Variants in SHOX observed in about 807,000 individuals in gnomAD.
The protein encoded by SHOX is SHOX homeobox.
In SHOX, 12 loss-of-function variants were observed where a neutral mutation model predicts 29.6. That is an observed-to-expected ratio of 0.41 (90% confidence interval 0.26 to 0.66). SHOX has a LOEUF of 0.66. Among genes scored for constraint, SHOX ranks in the 30% least tolerant of loss-of-function variants. The pLI is 0.35. For missense variants in SHOX, 499 were observed against 437.7 expected (o/e 1.14, Z -1.25); for synonymous variants, 214 against 200.6 (o/e 1.07, Z -0.57).
At chrX:638,653 C>T (rs2052798294) in intron 2 of SHOX, among the ~76,000 whole-genome samples, 1 of 152,192 alleles carries the variant, frequency 6.6e-6, no homozygotes, top group South Asian at 2.1e-4. Flanking sequence ...TGGAAGCTTC[C>T]GTGTTGGGTT....
exon 1 of SHOX, chrX:624,509 C>G (rs1460695188): frequency 6.6e-6 from 1 of 152,036 alleles, no homozygotes; most frequent in African/African-American, 2.4e-5. Flanking sequence ...CAGCCCGAGT[C>G]CGCACAGGGT....
exon 6 of SHOX, chrX:658,903 T>A: frequency 3.4e-6 from 1 of 295,016 alleles, no homozygotes; most frequent in Non-Finnish European, 6.9e-6. Flanking sequence ...TAGCTGGGAT[T>A]ACAGGTGCCC....
At chrX:631,806 A>G (rs995047993) in intron 1 of SHOX, 18 of 439,234 alleles carry the variant, frequency 4.1e-5, no homozygotes, top group African/African-American at 3.6e-4. Flanking sequence ...TGCTGGGATG[A>G]CAGGCGTGAG....
At chrX:629,459 C>G (rs1383884587), upstream of SHOX, among the ~76,000 whole-genome samples, 6 of 151,864 alleles carry the variant, frequency 4.0e-5, no homozygotes, top group East Asian at 7.8e-4. Context: ...CTCTGTCTCT[C>G]CCTTTCTCTC....
intron 1 of SHOX, chrX:631,766 A>T (rs1050912537): frequency 2.5e-6 from 1 of 403,030 alleles, no homozygotes; most frequent in Non-Finnish European, 5.0e-6. Context: ...TCCTGACCTC[A>T]GGTGATCCAC....
chrX:646,750 T>C lies in SHOX; in HGVS notation c.*2114T>C, dbSNP rs2052971439. 1 of 151,838 alleles carries C rather than the reference T, an allele frequency of 6.6e-6. No individual in the cohort carries two copies. Among genetic ancestry groups the C allele is most frequent in the South Asian group, 2.1e-4 (1 of 4,816 alleles). 9.4% of individuals were successfully genotyped at this position (151,838 alleles called of 1,614,324 possible). On this transcript the variant is annotated 3_prime_UTR_variant, in exon 5 of 5. Coordinates refer to ENST00000686671, the MANE Select transcript of SHOX (RefSeq NM_000451.4). ...AAAGAATCCCAGACATTAACGGTAT[T>C]AGAGAGTTTGCCTCATTCATCCATT...
upstream of SHOX, among the ~76,000 whole-genome samples, chrX:626,689 GTCTC>G (rs1387826143): frequency 1.0e-5 from 1 of 98,178 alleles, no homozygotes; most frequent in Non-Finnish European, 2.1e-5. Context: ...GTCTATCTCT[GTCTC>G]TCTTTCTCTC....
Position 644,753 on chromosome X carries a change from A to G in SHOX, c.*117A>G. On this transcript the variant is annotated 3_prime_UTR_variant, in exon 5 of 5. Coordinates refer to ENST00000686671, the MANE Select transcript of SHOX (RefSeq NM_000451.4). ...CTTCCGCGGCCACCGTGCTCCGGGC[A>G]CCCCGGGAGCTCCTGCAAGAGGCCT... 1 of 1,296,652 alleles carries G rather than the reference A, an allele frequency of 7.7e-7. No individual in the cohort carries two copies. The highest frequency in any genetic ancestry group is 9.9e-7 in the Non-Finnish European group (1 of 1,013,970). The allele number at this position is 1,296,652 out of a possible 1,614,324, so 80.3% of individuals were successfully genotyped here.
chrX:634,782 G>C lies in SHOX; in HGVS notation c.442G>C (p.Glu148Gln). 2 of 1,601,226 alleles carry C rather than the reference G, an allele frequency of 1.2e-6. No individual in the cohort carries two copies. The highest frequency in any genetic ancestry group is 1.7e-6 in the Non-Finnish European group (2 of 1,174,166). ...CCATTACCCCGACGCCTTCATGCGC[G>C]AGGAGCTCAGCCAGCGCCTGGGGCT... Reference protein sequence around the residue: ...ETHYPDAFMREELSQRLGLSE... With the variant: ...ETHYPDAFMRQELSQRLGLSE... The change falls in exon 2 of 5, where the codon GAG becomes CAG. Residue 148 changes from glutamate to glutamine, a missense_variant. Glu to Gln is a conservative substitution (Grantham distance 29). Coordinates refer to ENST00000686671, the MANE Select transcript of SHOX (RefSeq NM_000451.4).
At chrX:658,616 G>A (rs762848722) in intron 5 of SHOX, among the ~76,000 whole-genome samples, 2,274 of 151,340 alleles carry the variant, frequency 0.015, 42 homozygotes, top group African/African-American at 0.048. Context: ...GACTACAGGC[G>A]CCCGCCACCG....
In SHOX at chrX:641,014, C is replaced by A. The variant is rs1251071525; in HGVS notation, c.560C>A (p.Thr187Lys). The A allele has an allele frequency of 6.2e-7, 1 of 1,613,864 alleles. No homozygotes were observed. Among genetic ancestry groups the A allele is most frequent in the East Asian group, 2.2e-5 (1 of 44,866 alleles). ...NQMHKGVILG[T>K]ANHLDACRVA... Reference sequence around the variant, plus strand: ...TTGGACACAGGCGTCATCTTGGGCACAGCCAACCACCTAGACGCCTGCCGA... The same window carrying A: ...TTGGACACAGGCGTCATCTTGGGCAAAGCCAACCACCTAGACGCCTGCCGA... Residue 187 changes from threonine (T) to lysine (K), a missense_variant, in exon 4 of 5, where the codon ACA becomes AAA. By Grantham distance (78) the Thr-to-Lys change is moderately conservative. Coordinates refer to ENST00000686671, the MANE Select transcript of SHOX (RefSeq NM_000451.4).
At position 630,995 on chromosome X, in the gene SHOX, T is replaced by C. The variant is rs2052637231; in HGVS notation, c.98T>C (p.Ile33Thr). The C allele has an allele frequency of 1.2e-6, 2 of 1,613,730 alleles. No individual in the cohort carries two copies. Among genetic ancestry groups the C allele is most frequent in the Non-Finnish European group, 8.5e-7 (1 of 1,179,802 alleles). ...GGGGGGKKDS[I>T]TYREVLESGL... ...GGCGGCGGAGGTAAGAAGGATTCCA[T>C]TACGTACCGGGAAGTTTTGGAGAGC... The change falls in exon 1 of 5, where the codon ATT becomes ACT. Residue 33 changes from isoleucine (I) to threonine (T), a missense_variant. Coordinates refer to ENST00000686671, the MANE Select transcript of SHOX (RefSeq NM_000451.4).
rs1309060961 is a variant in SHOX at position 641,050 on chromosome X, A to G, written c.596A>G (p.Tyr199Cys). Residue 199 changes from tyrosine (Y) to cysteine (C), a missense_variant, in exon 4 of 5, where the codon TAC becomes TGC. Coordinates refer to ENST00000686671, the MANE Select transcript of SHOX (RefSeq NM_000451.4). ...CTAGACGCCTGCCGAGTGGCACCCT[A>G]CGTCAACATGGGAGCCTTACGGATG... The part of the protein sequence containing the change: ...NHLDACRVAP[Y>C]VNMGALRMPF... 5 of 1,613,548 alleles carry G rather than the reference A, an allele frequency of 3.1e-6. No individual in the cohort carries two copies. Among genetic ancestry groups the G allele is most frequent in the Non-Finnish European group, 4.2e-6 (5 of 1,179,806 alleles).
rs768170715 is a variant in SHOX at position 634,635 on chromosome X, G to C, written c.295G>C (p.Glu99Gln). 58 of 1,613,704 alleles carry C rather than the reference G, an allele frequency of 3.6e-5. No homozygotes were observed. Among genetic ancestry groups the C allele is most frequent in the Middle Eastern group, 1.7e-4 (1 of 5,930 alleles). ...RVAEGIYECK[E>Q]KREDVKSEDE... Reference sequence around the variant, plus strand: ...CCACGCAGGGATTTATGAATGCAAAGAGAAGCGCGAGGACGTGAAGTCGGA... The same window carrying C: ...CCACGCAGGGATTTATGAATGCAAACAGAAGCGCGAGGACGTGAAGTCGGA... Residue 99 changes from glutamate (E) to glutamine (Q), a missense_variant, in exon 2 of 5, where the codon GAG becomes CAG. Physicochemically the swap from Glu to Gln is conservative, Grantham distance 29. Transcript: ENST00000686671.
At chrX:631,489 C>G (rs753720699) in intron 1 of SHOX, among the ~76,000 whole-genome samples, 2 of 152,142 alleles carry the variant, frequency 1.3e-5, no homozygotes, top group East Asian at 1.9e-4. Flanking sequence ...GCCGTAGGGC[C>G]TGAGATGTCT....
At chrX:642,451 G>T (rs983596559) in intron 4 of SHOX, among the ~76,000 whole-genome samples, 48 of 152,276 alleles carry the variant, frequency 3.2e-4, no homozygotes, top group Non-Finnish European at 4.1e-4. Context: ...AGGTATAAAC[G>T]TATAAATCAT....
chrX:625,722 TCTCTC>T (rs1284933311), intron 1 of SHOX, among the ~76,000 whole-genome samples: 1 of 145,968 alleles, frequency 6.9e-6, no homozygotes, highest in African/African-American at 2.7e-5. Flanking sequence ...TCTGTCTCTC[TCTCTC>T]CTCTCTCTCT....
chrX:658,803 C>A lies in SHOX; in HGVS notation c.652C>A (p.Arg218Ser). The A allele has an allele frequency of 5.1e-6, 2 of 388,516 alleles. 1 individual carries two copies. The highest frequency in any genetic ancestry group is 1.8e-3 in the Middle Eastern group (2 of 1,098). The allele number at this position is 388,516 out of a possible 1,614,324, so 24.1% of individuals were successfully genotyped here. ...TTTTTAGATGGAGTTTTGCTCTTGT[C>A]GCCCGGGCTGGAGTATAATGGCATG... is the stretch of plus-strand genomic sequence containing the variant. The change falls in exon 6 of 6, where the codon CGC becomes AGC. Residue 218 changes from arginine to serine, a missense_variant. Physicochemically the swap from Arg to Ser is moderately radical, Grantham distance 110. Transcript: ENST00000334060.
In SHOX at chrX:625,070, C is replaced by T. The variant is rs773304778; in HGVS notation, c.-433+468C>T. Among the ~76,000 whole-genome samples the T allele has an allele frequency of 8.4e-4, 119 of 140,916 alleles. 1 individual carries two copies. The highest frequency in any genetic ancestry group is 1.4e-3 in the Non-Finnish European group (94 of 64,878). The allele number at this position is 140,916 out of a possible 152,430, so 92.4% of individuals were successfully genotyped here. On this transcript the variant is annotated intron_variant, in intron 1 of 5. Coordinates refer to the SHOX transcript ENST00000334060. Reference sequence around the variant, plus strand: ...CCCTCTGTTCCTTCCTCCCTCCCTCCCTCCTTCTCTCCCTCCCTCCCTCCT... The same window carrying T: ...CCCTCTGTTCCTTCCTCCCTCCCTCTCTCCTTCTCTCCCTCCCTCCCTCCT...
Sources: allele counts gnomAD v4.1 joint callset (sites outside exome capture counted in the v4.1 genomes callset), GRCh38; gene constraint gnomAD v4.1.1; transcripts MANE v1.5; gene names NCBI Gene and HGNC (gene_info 2026-07-23, HGNC 2026-07-21).